NCOA3: variants seen among roughly 807,000 people sequenced by gnomAD.
NCOA3 encodes the protein CBP-interacting protein.
NCOA3 carries 51 observed loss-of-function variants against 158.8 expected under a neutral mutation model. That is an observed-to-expected ratio of 0.32 (90% CI 0.26 to 0.41). The LOEUF is 0.41. NCOA3 is among the 10% of genes least tolerant of loss of function. NCOA3 has a pLI of 1.00. For synonymous variants in NCOA3, 537 were observed against 592.4 expected, an observed-to-expected ratio of 0.91 and a Z score of 1.36; for missense variants, 1,510 against 1,746.6, an observed-to-expected ratio of 0.86 and a Z score of 2.41.
intron 1 of NCOA3, 21 bp from the exon 2 acceptor site, chr20:47,583,162 T>C (rs1229839026): frequency 2.3e-5 from 9 of 398,478 alleles, no homozygotes. Flanking sequence ...ATTCAATCCC[T>C]CCTCTTCTTT....
In NCOA3 at chr20:47,637,700, C is replaced by G. The variant is rs1455912770; in HGVS notation, c.2429C>G (p.Ser810Cys). 1.9e-6 allele frequency: 3 copies of G among 1,611,542 alleles called. No individual in the cohort carries two copies. The highest frequency in any genetic ancestry group is 2.2e-5 in the East Asian group (1 of 44,738). Reference sequence around the variant, plus strand: ...GCTATTCTTGGTGATCTGACTAGTTCTGACTTTTACAATAATTCCATATCC... The same window carrying G: ...GCTATTCTTGGTGATCTGACTAGTTGTGACTTTTACAATAATTCCATATCC... ...LDAILGDLTS[S>C]DFYNNSISSN... The change falls in exon 13 of 23, where the codon TCT becomes TGT. Residue 810 changes from serine to cysteine, a missense_variant. Transcript: ENST00000371998.
In NCOA3 at chr20:47,634,134, C is replaced by G. The variant is rs775514854; in HGVS notation, c.1051C>G (p.Leu351Val). Residue 351 changes from leucine to valine, a missense_variant, in exon 10 of 23, where the codon CTC becomes GTC. Physicochemically the swap from Leu to Val is conservative, Grantham distance 32. Transcript: ENST00000371998. ...TIVTAQTKSK[L>V]FRNPVTNDRH... Reference sequence around the variant, plus strand: ...AGTGACTGCACAGACAAAAAGCAAACTCTTCCGAAATCCTGTAACAAATGA... The same window carrying G: ...AGTGACTGCACAGACAAAAAGCAAAGTCTTCCGAAATCCTGTAACAAATGA... 1 of 1,614,206 alleles carries G rather than the reference C, an allele frequency of 6.2e-7. No homozygotes were observed. The highest frequency in any genetic ancestry group is 1.1e-5 in the South Asian group (1 of 91,088).
chr20:47,545,010 G>C (rs1054328715), intron 1 of NCOA3, among the ~76,000 whole-genome samples: 8 of 152,066 alleles, frequency 5.3e-5, no homozygotes, highest in Admixed American at 2.6e-4. Flanking sequence ...ATAGTTAAAA[G>C]CTGGCTTGGT....
intron 9 of NCOA3, 49 bp downstream of exon 9, chr20:47,633,685 C>T (rs939995397): frequency 6.4e-7 from 1 of 1,573,496 alleles, no homozygotes; most frequent in Non-Finnish European, 8.6e-7. Flanking sequence ...TCTTTAGAGA[C>T]AGGGCCTTGC....
intron 17 of NCOA3, among the ~76,000 whole-genome samples, chr20:47,644,144 ATT>A (rs761776730): frequency 7.4e-6 from 1 of 134,488 alleles, no homozygotes. Context: ...AATTCGTTCT[ATT>A]TTTTTTTTTT....
In NCOA3 at chr20:47,639,939, C is replaced by T; in HGVS notation, c.2968C>T (p.Pro990Ser). The part of the protein sequence containing the change: ...QMLQMRPGEI[P>S]MGMGANPYGQ... ...TGCTCCCCCAGGGCCTGGTGAAATCCCCATGGGAATGGGGGCTAATCCCTA... is the reference window on the plus strand; with the variant it reads ...TGCTCCCCCAGGGCCTGGTGAAATCTCCATGGGAATGGGGGCTAATCCCTA... The change falls in exon 16 of 23, where the codon CCC (proline) becomes TCC (serine). Residue 990 changes from proline (P) to serine (S), a missense_variant. Transcript: ENST00000371998. 2 of 1,614,118 alleles carry T rather than the reference C, an allele frequency of 1.2e-6. No homozygotes were observed. Among genetic ancestry groups the T allele is most frequent in the South Asian group, 1.1e-5 (1 of 91,080 alleles).
At chr20:47,556,668 G>A (rs1346205284) in intron 1 of NCOA3, among the ~76,000 whole-genome samples, 2 of 151,848 alleles carry the variant, frequency 1.3e-5, no homozygotes, top group African/African-American at 2.4e-5. Flanking sequence ...GATCACAGGC[G>A]CCTGCCACCA....
In NCOA3 at chr20:47,519,032, A is replaced by T. The variant is rs192083894; in HGVS notation, c.-99+17013A>T. Among the ~76,000 whole-genome samples the T allele has an allele frequency of 2.1e-3, 319 of 152,100 alleles. 2 individuals are homozygous for T. Among genetic ancestry groups the T allele is most frequent in the Non-Finnish European group, 3.6e-3 (242 of 68,016 alleles). ...GCACCTGTAATCCCAGCTACTCAGG[A>T]GGCCGAGGCAGGAGAATCGCTTGAA... On this transcript the variant is annotated intron_variant, in intron 1 of 22. Transcript: ENST00000371998.
chr20:47,574,714 T>G (rs2085346350), intron 1 of NCOA3, among the ~76,000 whole-genome samples: 1 of 152,224 alleles, frequency 6.6e-6, no homozygotes, highest in African/African-American at 2.4e-5. Flanking sequence ...TTCAAGGGCC[T>G]GTATCTTCCT....
intron 1 of NCOA3, among the ~76,000 whole-genome samples, chr20:47,530,596 G>T (rs1265586746): frequency 6.6e-6 from 1 of 151,486 alleles, no homozygotes; most frequent in East Asian, 1.9e-4. Context: ...CCAAGTAGCT[G>T]GGATTACAGG....
chr20:47,653,275 C>T, intron 22 of NCOA3, 131 bp from the exon 23 acceptor site: 3 of 1,256,108 alleles, frequency 2.4e-6, no homozygotes, highest in Non-Finnish European at 3.3e-6. Flanking sequence ...AAGATGGGAT[C>T]TCAGGAACCT....
intron 1 of NCOA3, among the ~76,000 whole-genome samples, chr20:47,547,895 ATTTTAT>A (rs1170464569): frequency 6.6e-6 from 1 of 150,500 alleles, no homozygotes; most frequent in Non-Finnish European, 1.5e-5. Context: ...ATTTTATTTT[ATTTTAT>A]TTTTATTTTT....
chr20:47,564,619 T>C (rs1199434078), intron 1 of NCOA3, among the ~76,000 whole-genome samples: 1 of 152,142 alleles, frequency 6.6e-6, no homozygotes. Flanking sequence ...AAAACCCCAA[T>C]TGGTATCTAC....
chr20:47,627,558 A>C lies in NCOA3; in HGVS notation c.533-3A>C. The C allele has an allele frequency of 6.3e-7, 1 of 1,589,138 alleles. No individual in the cohort carries two copies. Among genetic ancestry groups the C allele is most frequent in the Non-Finnish European group, 8.6e-7 (1 of 1,169,220 alleles). On this transcript the variant is annotated splice_region_variant and splice_polypyrimidine_tract_variant and intron_variant, in intron 6 of 22. Coordinates refer to ENST00000371998, the MANE Select transcript of NCOA3 (RefSeq NM_181659.3). Reference sequence around the variant, plus strand: ...AAATGTCATTTCAATTTGTTTTCCAAAGTTAATGGAGTTTCCTGGACAAAT... The same window carrying C: ...AAATGTCATTTCAATTTGTTTTCCACAGTTAATGGAGTTTCCTGGACAAAT...
rs1419856644 is a variant in NCOA3, at chr20:47,624,016, T to C, written c.189T>C (p.Asn63=). The change falls in exon 4 of 23, where the codon AAT becomes AAC. Residue 63 remains asparagine, a synonymous_variant. Transcript: ENST00000371998. ...ATCTTAGTGATATTGACAATTTCAA[T>C]GTCAAACCAGATAAATGTGCGATTT... The part of the protein sequence containing the change: ...SANLSDIDNF[N]VKPDKCAILK... 19 of 1,613,220 alleles carry C rather than the reference T, an allele frequency of 1.2e-5. No individual in the cohort carries two copies. Among genetic ancestry groups the C allele is most frequent in the Admixed American group, 1.7e-5 (1 of 59,872 alleles).
At chr20:47,601,396 A>G (rs1377441025) in intron 2 of NCOA3, among the ~76,000 whole-genome samples, 1 of 152,252 alleles carries the variant, frequency 6.6e-6, no homozygotes, top group Non-Finnish European at 1.5e-5. Context: ...TTCAAACCAT[A>G]GCAAAGACCA....
chr20:47,635,240 A>T (rs539402729), intron 10 of NCOA3, 82 bp from the exon 11 acceptor site: 3 of 1,395,856 alleles, frequency 2.1e-6, no homozygotes, highest in East Asian at 2.4e-5. Flanking sequence ...GTTTTTTAAA[A>T]TTTTATTTTA....
At chr20:47,626,064 TGGG>T (rs1350403458) in intron 5 of NCOA3, among the ~76,000 whole-genome samples, 3 of 152,240 alleles carry the variant, frequency 2.0e-5, no homozygotes, top group Non-Finnish European at 4.4e-5. Flanking sequence ...ACACAGATAC[TGGG>T]GTATGATGAC....
rs943410137 is a variant in NCOA3 at position 47,655,967 on chromosome 20, G to A, written c.*2550G>A. The A allele has an allele frequency of 6.6e-6, 1 of 151,970 alleles. No homozygotes were observed. The highest frequency in any genetic ancestry group is 2.4e-5 in the African/African-American group (1 of 41,318). 9.4% of individuals were successfully genotyped at this position (151,970 alleles called of 1,614,324 possible). ...TCTTTGAGATAATTTGTTTTTACCT[G>A]TATTGCCCTTTATCTTTTTTAGGTA... On this transcript the variant is annotated 3_prime_UTR_variant, in exon 23 of 23. Coordinates refer to ENST00000371998, the MANE Select transcript of NCOA3 (RefSeq NM_181659.3).
Sources: allele counts gnomAD v4.1 joint callset (sites outside exome capture counted in the v4.1 genomes callset), GRCh38; gene constraint gnomAD v4.1.1; transcripts MANE v1.5; gene names NCBI Gene and HGNC (gene_info 2026-07-23, HGNC 2026-07-21).